PTPRM: variants seen among roughly 807,000 people sequenced by gnomAD.
PTPRM encodes the protein receptor-type tyrosine-protein phosphatase mu.
Under a neutral mutation model 186.7 loss-of-function variants are expected in PTPRM, and 47 were observed. The observed-to-expected ratio is 0.25, with a 90% CI of 0.20 to 0.32. PTPRM has a LOEUF of 0.32. Ranked by LOEUF, PTPRM falls within the 10% of genes least tolerant of loss-of-function variation. The pLI, the probability that PTPRM is intolerant of heterozygous loss-of-function variation, is 1.00. For synonymous variants in PTPRM, 668 were observed against 674.9 expected (o/e 0.99, Z 0.16); for missense variants, 1,494 against 1,865.0 (o/e 0.80, Z 3.66).
chr18:7,926,519 A>G, intron 4 of PTPRM, 49 bp from the exon 5 acceptor site: 1 of 1,413,092 alleles, frequency 7.1e-7, no homozygotes, highest in East Asian at 2.4e-5. Flanking sequence ...GACATATATT[A>G]GTTACAAATC....
chr18:7,587,090 A>G (rs980266774), intron 1 of PTPRM, among the ~76,000 whole-genome samples: 61 of 152,202 alleles, frequency 4.0e-4, no homozygotes, highest in Admixed American at 1.6e-3. Context: ...TGAAATTTTA[A>G]TTCTATATTT....
chr18:8,139,260 G>C (rs2092708248), intron 13 of PTPRM, among the ~76,000 whole-genome samples: 1 of 152,094 alleles, frequency 6.6e-6, no homozygotes, highest in South Asian at 2.1e-4. Context: ...CCAGAAATCT[G>C]GTTGTTATCC....
Position 7,790,330 on chromosome 18 carries a change from G to A in PTPRM, c.196+16059G>A, listed in dbSNP as rs74397276. Among the ~76,000 whole-genome samples the A allele has an allele frequency of 7.6e-3, 1,153 of 152,312 alleles. 17 individuals are homozygous for A. Among genetic ancestry groups the A allele is most frequent in the African/African-American group, 0.025 (1,056 of 41,558 alleles). The stretch of plus-strand genomic sequence containing the variant: ...AATCCTCTGAGCTCCAGGGGAGCAC[G>A]TTTAAATCCCATGTGAGCCTTTCAC... On this transcript the variant is annotated intron_variant, in intron 2 of 32. Coordinates refer to ENST00000580170, the MANE Select transcript of PTPRM (RefSeq NM_001105244.2).
chr18:7,802,534 G>A (rs950979751), intron 2 of PTPRM, among the ~76,000 whole-genome samples: 9 of 152,012 alleles, frequency 5.9e-5, no homozygotes, highest in African/African-American at 1.9e-4. Context: ...GCATTTAAGG[G>A]AAATGTAGTT....
intron 7 of PTPRM, among the ~76,000 whole-genome samples, chr18:7,967,228 G>C (rs1258891203): frequency 4.0e-5 from 1 of 24,996 alleles, no homozygotes; most frequent in Non-Finnish European, 1.1e-4. Flanking sequence ...TATTCCAACA[G>C]ACCTGCAGCT....
intron 2 of PTPRM, among the ~76,000 whole-genome samples, chr18:7,862,427 C>A (rs2047438389): frequency 6.6e-6 from 1 of 152,120 alleles, no homozygotes; most frequent in Non-Finnish European, 1.5e-5. Flanking sequence ...AATATGAATA[C>A]CACATTCAGG....
intron 7 of PTPRM, among the ~76,000 whole-genome samples, chr18:7,976,705 A>G (rs1568113815): frequency 6.6e-6 from 1 of 152,192 alleles, no homozygotes; most frequent in South Asian, 2.1e-4. Context: ...GAACAAAATC[A>G]AGGGTTTGGG....
intron 14 of PTPRM, among the ~76,000 whole-genome samples, chr18:8,168,888 G>T (rs2093359068): frequency 6.6e-6 from 1 of 152,172 alleles, no homozygotes. Flanking sequence ...TTATAGCACA[G>T]ACTCCATGCC....
intron 4 of PTPRM, among the ~76,000 whole-genome samples, chr18:7,918,704 C>T (rs1448506254): frequency 1.3e-5 from 2 of 152,150 alleles, no homozygotes; most frequent in African/African-American, 4.8e-5. Flanking sequence ...GATTAGTCCT[C>T]TGTCAAATGG....
At chr18:7,730,892 G>A (rs1273717575) in intron 1 of PTPRM, among the ~76,000 whole-genome samples, 1 of 152,158 alleles carries the variant, frequency 6.6e-6, no homozygotes, top group Non-Finnish European at 1.5e-5. Flanking sequence ...TATCATAATT[G>A]CAGAGTGTCA....
At chr18:8,352,161 T>C (rs1323790382) in intron 23 of PTPRM, among the ~76,000 whole-genome samples, 2 of 152,226 alleles carry the variant, frequency 1.3e-5, no homozygotes, top group Non-Finnish European at 2.9e-5. Context: ...GAACCGTATA[T>C]CAACAATGAA....
chr18:7,723,444 G>T (rs973836216), intron 1 of PTPRM, among the ~76,000 whole-genome samples: 1 of 152,170 alleles, frequency 6.6e-6, no homozygotes, highest in African/African-American at 2.4e-5. Flanking sequence ...GGCAAAAAGA[G>T]CCCTTAAGTA....
At chr18:7,993,589 A>G (rs1394460214) in intron 7 of PTPRM, among the ~76,000 whole-genome samples, 2 of 152,138 alleles carry the variant, frequency 1.3e-5, no homozygotes, top group East Asian at 3.8e-4. Context: ...ACTGAAAGCA[A>G]GAAAAAGACT....
chr18:7,622,656 C>T (rs1390145726), intron 1 of PTPRM, among the ~76,000 whole-genome samples: 1 of 152,152 alleles, frequency 6.6e-6, no homozygotes, highest in Non-Finnish European at 1.5e-5. Context: ...CAAGTCAGGC[C>T]TGCTGCCCTC....
chr18:7,965,805 A>C lies in PTPRM; in HGVS notation c.1132+10391A>C, dbSNP rs910575983. On this transcript the variant is annotated intron_variant, in intron 7 of 32. Coordinates refer to ENST00000580170, the MANE Select transcript of PTPRM (RefSeq NM_001105244.2). Reference sequence around the variant, plus strand: ...TATCCATGCTCCTCTCAGCACATCCAGATGCATTCTCTTCTTATTCACCCA... The same window carrying C: ...TATCCATGCTCCTCTCAGCACATCCCGATGCATTCTCTTCTTATTCACCCA... Among the ~76,000 whole-genome samples, 15 of 152,196 alleles carry C rather than the reference A, an allele frequency of 9.9e-5. 1 individual carries two copies. Among genetic ancestry groups the C allele is most frequent in the Admixed American group, 5.2e-4 (8 of 15,278 alleles).
intron 14 of PTPRM, among the ~76,000 whole-genome samples, chr18:8,211,995 T>C (rs1472496389): frequency 6.6e-6 from 1 of 151,514 alleles, no homozygotes; most frequent in Admixed American, 6.6e-5. Flanking sequence ...AGTTGAGGGT[T>C]TTGTGAGGGA....
chr18:7,797,638 A>C (rs561651647), intron 2 of PTPRM, among the ~76,000 whole-genome samples: 4 of 152,310 alleles, frequency 2.6e-5, no homozygotes, highest in African/African-American at 9.6e-5. Context: ...TCAATTGAGC[A>C]TAATCCTCAC....
chr18:7,783,626 C>G (rs775815878), intron 2 of PTPRM, among the ~76,000 whole-genome samples: 9 of 151,886 alleles, frequency 5.9e-5, no homozygotes, highest in African/African-American at 2.2e-4. Flanking sequence ...TGTTGGAGTG[C>G]AGTGGCGTGA....
At position 8,121,524 on chromosome 18, in the gene PTPRM, C is replaced by T. The variant is rs568682091; in HGVS notation, c.2167+6697C>T. On this transcript the variant is annotated intron_variant, in intron 13 of 32. Transcript: ENST00000580170. ...CTGTGCAGGCAAACTAAGAAGCCAG[C>T]CTGGTCTGCTTCAAGACTCTTAATC... Among the ~76,000 whole-genome samples, 33 of 152,244 alleles carry T rather than the reference C, an allele frequency of 2.2e-4. No homozygotes were observed. In the South Asian group the frequency reaches 6.6e-3, roughly 31 times the overall value.
Sources: allele counts gnomAD v4.1 joint callset (sites outside exome capture counted in the v4.1 genomes callset), GRCh38; gene constraint gnomAD v4.1.1; transcripts MANE v1.5; gene names NCBI Gene and HGNC (gene_info 2026-07-23, HGNC 2026-07-21).